The following PUS1 variants were observed in gnomAD, a reference collection of about 807,000 sequenced individuals.
PUS1 encodes the protein pseudouridine synthase 1.
PUS1 carries 25 observed loss-of-function variants against 38.5 expected under a neutral mutation model. The ratio of observed to expected loss-of-function variants is 0.65; its 90% CI spans 0.47 to 0.91. The LOEUF is 0.91. Among genes scored for constraint, PUS1 ranks in the 40% least tolerant of loss-of-function variants. PUS1 has a pLI of 0.00. For synonymous variants in PUS1, 282 were observed against 260.4 expected (o/e 1.08, Z -0.80); for missense variants, 597 against 612.3 (o/e 0.97, Z 0.26).
chr12:131,939,482 C>T (rs930335832), intron 4 of PUS1, among the ~76,000 whole-genome samples: 2 of 152,138 alleles, frequency 1.3e-5, no homozygotes, highest in East Asian at 1.9e-4. Flanking sequence ...GCTACACGGG[C>T]GCCTTGTTTT....
chr12:131,930,847 G>C (rs1365549671), intron 2 of PUS1, among the ~76,000 whole-genome samples: 1 of 151,986 alleles, frequency 6.6e-6, no homozygotes, highest in Non-Finnish European at 1.5e-5. Context: ...ATTATTTATA[G>C]GAATGGGGTC....
At position 131,934,999 on chromosome 12, in the gene PUS1, G is replaced by C. The variant is rs376656558; in HGVS notation, c.441+2687G>C. 9.8e-5 allele frequency: 15 copies of C among 152,374 alleles called. No individual in the cohort carries two copies. The East Asian group carries it at 2.3e-3, about 24-fold the overall frequency. The allele number at this position is 152,374 out of a possible 1,614,324, so 9.4% of individuals were successfully genotyped here. A position where few individuals can be genotyped will look rare whatever the true frequency, so the allele number is the denominator to read the frequency against. ...CATTCTGGAGCCGTCGTACAGAGGG[G>C]AGAACACAAAGAGGGATCCACAAGT... On this transcript the variant is annotated intron_variant, in intron 3 of 5. Transcript: ENST00000376649.
At position 131,930,123 on chromosome 12, in the gene PUS1, C is replaced by A; in HGVS notation, c.291C>A (p.Tyr97Ter). The change falls in exon 2 of 6, where the codon TAC (tyrosine) becomes TAA (stop). Residue 97 changes from tyrosine (Y) to a stop codon, truncating the protein, a stop_gained. Coordinates refer to ENST00000376649, the MANE Select transcript of PUS1 (RefSeq NM_025215.6). LOFTEE classifies it high-confidence loss of function. Reference sequence around the variant, plus strand: ...TCATGGCCTATTCGGGCAAGGGCTACCACGGCATGCAGGTGTGGCCGCCCG... The same window carrying A: ...TCATGGCCTATTCGGGCAAGGGCTAACACGGCATGCAGGTGTGGCCGCCCG... ...VLLMAYSGKG[Y>*]HGMQRNVGSS... The A allele has an allele frequency of 7.0e-7, 1 of 1,426,314 alleles. No homozygotes were observed. Among genetic ancestry groups the A allele is most frequent in the South Asian group, 1.6e-5 (1 of 61,928 alleles). 88.4% of individuals were successfully genotyped at this position (1,426,314 alleles called of 1,614,324 possible).
chr12:131,932,330 C>T lies in PUS1; in HGVS notation c.441+18C>T. The T allele has an allele frequency of 6.2e-7, 1 of 1,612,670 alleles. No individual in the cohort carries two copies. Among genetic ancestry groups the T allele is most frequent in the Non-Finnish European group, 8.5e-7 (1 of 1,179,874 alleles). The stretch of plus-strand genomic sequence containing the variant: ...CAGACAAGGTGGGTGGTGGCCTTCT[C>T]TGCCCCTCCCCCGCTGCTATGAGCA... On this transcript the variant is annotated intron_variant, in intron 3 of 5. Coordinates refer to ENST00000376649, the MANE Select transcript of PUS1 (RefSeq NM_025215.6).
chr12:131,930,107 A>G lies in PUS1; in HGVS notation c.275A>G (p.Tyr92Cys). Residue 92 changes from tyrosine to cysteine, a missense_variant, in exon 2 of 6, where the codon TAT (tyrosine) becomes TGT (cysteine). Tyr to Cys is a radical substitution (Grantham distance 194, BLOSUM62 -2). Transcript: ENST00000376649. The part of the protein sequence containing the change: ...PKRKIVLLMA[Y>C]SGKGYHGMQR... ...CGGAAGATCGTGCTGCTCATGGCCT[A>G]TTCGGGCAAGGGCTACCACGGCATG... is the stretch of plus-strand genomic sequence containing the variant. 10 of 1,432,928 alleles carry G rather than the reference A, an allele frequency of 7.0e-6. No individual in the cohort carries two copies. The highest frequency in any genetic ancestry group is 1.8e-4 in the Middle Eastern group (1 of 5,426). 88.8% of individuals were successfully genotyped at this position (1,432,928 alleles called of 1,614,324 possible).
In PUS1 at chr12:131,945,259, G is replaced by T. The variant is rs940755134; in HGVS notation, c.*1673G>T. On this transcript the variant is annotated 3_prime_UTR_variant, in exon 6 of 6. Transcript: ENST00000376649. ...GCTTCAGGCAGTGAGCTCCTAGGGC[G>T]TGGGGTGCCCAAGAGAGTGGAGCTG... 1 of 152,444 alleles carries T rather than the reference G, an allele frequency of 6.6e-6. No homozygotes were observed. The highest frequency in any genetic ancestry group is 2.4e-5 in the African/African-American group (1 of 41,482). 9.4% of individuals were successfully genotyped at this position (152,444 alleles called of 1,614,324 possible).
At position 131,943,561 on chromosome 12, in the gene PUS1, G is replaced by C; in HGVS notation, c.1259G>C (p.Ser420Thr). The C allele has an allele frequency of 1.2e-6, 2 of 1,613,748 alleles. No individual in the cohort carries two copies. ...GAKVPSPLEG[S>T]EGDGDTD is the part of the protein sequence containing the mutation. ...CAGGTGCCCAGTCCCCTGGAAGGCA[G>C]TGAAGGGGACGGAGACACTGACTGA... Residue 420 changes from serine to threonine, a missense_variant, in exon 6 of 6, where the codon AGT (serine) becomes ACT (threonine). By Grantham distance (58) the Ser-to-Thr change is moderately conservative. Coordinates refer to ENST00000376649, the MANE Select transcript of PUS1 (RefSeq NM_025215.6).
chr12:131,938,598 C>A (rs1890930724), intron 3 of PUS1, among the ~76,000 whole-genome samples: 1 of 152,204 alleles, frequency 6.6e-6, no homozygotes, highest in Non-Finnish European at 1.5e-5. Context: ...GAAGGCCCCT[C>A]CCTTTCCTCC....
At chr12:131,934,272 A>G (rs1309231735) in intron 3 of PUS1, among the ~76,000 whole-genome samples, 1 of 152,178 alleles carries the variant, frequency 6.6e-6, no homozygotes, top group Non-Finnish European at 1.5e-5. Context: ...GCCTCCCACA[A>G]GAGGTGGTGG....
chr12:131,929,546 G>A lies in PUS1; in HGVS notation c.-177G>A. The stretch of plus-strand genomic sequence containing the variant: ...GAGGCTGGGGCGTCCAGGTCCGAGA[G>A]GTCAGGGGTCAGCTGGAGAGGGGCT... On this transcript the variant is annotated 5_prime_UTR_variant, in exon 1 of 6. Coordinates refer to ENST00000376649, the MANE Select transcript of PUS1 (RefSeq NM_025215.6). 1 of 547,902 alleles carries A rather than the reference G, an allele frequency of 1.8e-6. No homozygotes were observed. The highest frequency in any genetic ancestry group is 2.4e-5 in the South Asian group (1 of 41,420). 33.9% of individuals were successfully genotyped at this position (547,902 alleles called of 1,614,324 possible).
chr12:131,936,808 G>T (rs1041169678), intron 3 of PUS1, among the ~76,000 whole-genome samples: 1 of 151,714 alleles, frequency 6.6e-6, no homozygotes, highest in Admixed American at 6.6e-5. Context: ...AGAATCTCTT[G>T]AATACAGAAG....
Position 131,941,422 on chromosome 12 carries a change from C to T in PUS1, c.675C>T (p.Ser225=), listed in dbSNP as rs756217351. 29 of 1,613,972 alleles carry T rather than the reference C, an allele frequency of 1.8e-5. No individual in the cohort carries two copies. Among genetic ancestry groups the T allele is most frequent in the Admixed American group, 1.7e-4 (10 of 60,004 alleles). ...TTCAGGATGAGACCTACCGCCTGAG[C>T]GCCGAGACGCTGCAGCAGGTCAACA... ...RDVQDETYRL[S]AETLQQVNRL... is the part of the protein sequence containing the mutation. Residue 225 remains serine, a synonymous_variant, in exon 5 of 6, where the codon AGC becomes AGT. Coordinates refer to ENST00000376649, the MANE Select transcript of PUS1 (RefSeq NM_025215.6). The surrounding 1 kb of genome is among the most constrained non-coding windows in gnomAD (Gnocchi z 4.4).
chr12:131,938,433 A>G (rs963617396), intron 3 of PUS1, among the ~76,000 whole-genome samples: 2 of 152,196 alleles, frequency 1.3e-5, no homozygotes, highest in Admixed American at 6.5e-5. Flanking sequence ...GTGACAGACC[A>G]AAACCTTGTC....
intron 3 of PUS1, among the ~76,000 whole-genome samples, chr12:131,937,287 CCA>C (rs1890873366): frequency 6.6e-6 from 1 of 152,120 alleles, no homozygotes; most frequent in South Asian, 2.1e-4. Context: ...TATGTGGGTG[CCA>C]TGAGCACCCA....
rs2136429163 is a variant in PUS1, at chr12:131,929,986, C to T, written c.154C>T (p.Arg52Trp). ...CCAGGACCGGAGGTCCTGCAGCGGC[C>T]GGGCCGGGGGCGACCGCGTCTGGGA... ...CPQDRRSCSGRAGGDRVWEDG... is the reference protein window; with the variant it reads ...CPQDRRSCSGWAGGDRVWEDG... The change falls in exon 2 of 6, where the codon CGG (arginine) becomes TGG (tryptophan). Residue 52 changes from arginine to tryptophan, a missense_variant. Arg to Trp is a moderately radical substitution (Grantham distance 101). Transcript: ENST00000376649. 3 of 1,496,072 alleles carry T rather than the reference C, an allele frequency of 2.0e-6. No individual in the cohort carries two copies. Among genetic ancestry groups the T allele is most frequent in the Non-Finnish European group, 2.6e-6 (3 of 1,134,098 alleles). 92.7% of individuals were successfully genotyped at this position (1,496,072 alleles called of 1,614,324 possible).
At chr12:131,929,849 C>G in intron 1 of PUS1, 53 bp downstream of exon 1, 1 of 1,486,146 alleles carries the variant, frequency 6.7e-7, no homozygotes, top group South Asian at 1.3e-5. Flanking sequence ...CCCAGCCCAC[C>G]CCAGTCCACC....
In PUS1 at chr12:131,943,665, A is replaced by G; in HGVS notation, c.*79A>G. ...AGATGTGCCACCCCTGTGGGCAGCA[A>G]GAAGCTGGGATCGCTGCAGCCATGT... On this transcript the variant is annotated 3_prime_UTR_variant, in exon 6 of 6. Transcript: ENST00000376649. 8.3e-7 allele frequency: 1 copy of G among 1,200,802 alleles called. No individual in the cohort carries two copies. Among genetic ancestry groups the G allele is most frequent in the Non-Finnish European group, 1.2e-6 (1 of 809,152 alleles). 74.4% of individuals were successfully genotyped at this position (1,200,802 alleles called of 1,614,324 possible). A position where few individuals can be genotyped will look rare whatever the true frequency, so the allele number is the denominator to read the frequency against.
rs966598528 is a variant in PUS1 at position 131,944,160 on chromosome 12, C to G, written c.*574C>G. The G allele has an allele frequency of 6.4e-6, 1 of 156,812 alleles. No homozygotes were observed. The highest frequency in any genetic ancestry group is 2.4e-5 in the African/African-American group (1 of 41,026). 9.7% of individuals were successfully genotyped at this position (156,812 alleles called of 1,614,324 possible). A position where few individuals can be genotyped will look rare whatever the true frequency, so the allele number is the denominator to read the frequency against. ...GCTGAGGTGGGAGGATTGCCTGAGT[C>G]TGGAGAAGTCGAGGCTGCCCTGATT... On this transcript the variant is annotated 3_prime_UTR_variant, in exon 6 of 6. Transcript: ENST00000376649.
At chr12:131,936,570 C>G (rs1266503559) in intron 3 of PUS1, among the ~76,000 whole-genome samples, 1 of 96,832 alleles carries the variant, frequency 1.0e-5, no homozygotes, top group African/African-American at 9.2e-5. Flanking sequence ...TCTCAAAAAA[C>G]AAAACAAAAC....
Sources: gnomAD v4.1 joint callset for allele counts (sites outside exome capture counted in the v4.1 genomes callset) on GRCh38, gnomAD v4.1.1 for gene constraint, Gnocchi (gnomAD v3.1) non-coding constraint, MANE v1.5 for transcripts, NCBI Gene and HGNC (gene_info 2026-07-23, HGNC 2026-07-21) for gene names.